ZMYND8: variants seen among roughly 807,000 people sequenced by gnomAD.
ZMYND8 encodes MYND-type zinc finger-containing chromatin reader ZMYND8.
Under a neutral mutation model 140.8 loss-of-function variants are expected in ZMYND8, and 37 were observed. The ratio of observed to expected loss-of-function variants is 0.26; its 90% CI spans 0.20 to 0.35. The LOEUF (loss-of-function observed/expected upper bound fraction) is 0.35, where lower values mean the gene tolerates loss of function less well. Ranked by LOEUF, ZMYND8 falls within the 10% of genes least tolerant of loss-of-function variation. The pLI, the probability that ZMYND8 is intolerant of heterozygous loss-of-function variation, is 1.00. For missense variants in ZMYND8, 1,068 were observed against 1,570.0 expected, an observed-to-expected ratio of 0.68 and a Z score of 5.40; for synonymous variants, 592 against 597.1, an observed-to-expected ratio of 0.99 and a Z score of 0.12.
chr20:47,307,786 C>T (rs901760998), intron 3 of ZMYND8, among the ~76,000 whole-genome samples: 40 of 152,016 alleles, frequency 2.6e-4, no homozygotes, highest in African/African-American at 9.2e-4. Flanking sequence ...AAGATTGCGC[C>T]ATTGCACTCC....
chr20:47,316,750 G>A (rs1451157990), intron 2 of ZMYND8, among the ~76,000 whole-genome samples: 2 of 148,764 alleles, frequency 1.3e-5, no homozygotes, highest in African/African-American at 2.5e-5. Context: ...AGCCAAGATC[G>A]CACCACTGCA....
At chr20:47,261,865 G>C (rs557257769) in intron 12 of ZMYND8, among the ~76,000 whole-genome samples, 1 of 151,984 alleles carries the variant, frequency 6.6e-6, no homozygotes, top group African/African-American at 2.4e-5. Flanking sequence ...TGAGGTCGGG[G>C]TTTGAGACCA....
At chr20:47,214,711 T>C (rs913257312) in intron 21 of ZMYND8, among the ~76,000 whole-genome samples, 1 of 152,150 alleles carries the variant, frequency 6.6e-6, no homozygotes, top group East Asian at 1.9e-4. Context: ...GTCAGGCTGG[T>C]CTTGAACTCC....
chr20:47,265,068 A>C (rs10854174), intron 11 of ZMYND8, among the ~76,000 whole-genome samples: 17 of 144,494 alleles, frequency 1.2e-4, no homozygotes, highest in Non-Finnish European at 2.1e-4. Context: ...ATATATATAT[A>C]GGCATTTTAA....
intron 10 of ZMYND8, 111 bp from the exon 11 acceptor site, chr20:47,276,906 C>CCAA: frequency 8.7e-6 from 5 of 571,446 alleles, no homozygotes; most frequent in Non-Finnish European, 1.2e-5. Flanking sequence ...GATTCTTATT[C>CCAA]TATTAAAAAA....
At chr20:47,240,115 G>A (rs184737567) in intron 14 of ZMYND8, among the ~76,000 whole-genome samples, 51 of 152,176 alleles carry the variant, frequency 3.4e-4, no homozygotes, top group Non-Finnish European at 6.0e-4. Context: ...GGGAAACTGA[G>A]GCAGGAGAAT....
intron 16 of ZMYND8, among the ~76,000 whole-genome samples, chr20:47,231,577 T>C (rs1049096500): frequency 6.6e-6 from 1 of 152,246 alleles, no homozygotes; most frequent in Non-Finnish European, 1.5e-5. Context: ...AATTGCGTAA[T>C]TGCTGCCAAA....
At chr20:47,343,850 C>G (rs1234598425) in intron 2 of ZMYND8, among the ~76,000 whole-genome samples, 1 of 151,928 alleles carries the variant, frequency 6.6e-6, no homozygotes, top group African/African-American at 2.4e-5. Context: ...CATAGCTCTT[C>G]ACTCCTTAAG....
chr20:47,240,508 C>T lies in ZMYND8; in HGVS notation c.2285-1370G>A, dbSNP rs542726322. Among the ~76,000 whole-genome samples the T allele has an allele frequency of 1.8e-3, 267 of 151,752 alleles. 1 individual carries two copies. Among genetic ancestry groups the T allele is most frequent in the Middle Eastern group, 3.4e-3 (1 of 294 alleles). On this transcript the variant is annotated intron_variant, in intron 14 of 22. Coordinates refer to ENST00000471951, the MANE Select transcript of ZMYND8 (RefSeq NM_001281775.3). ...CAGCCTGGGTGACAGGGTGAGACTCCGTCTCAAAATAATAATAATAATAAA... is the reference window on the plus strand; with the variant it reads ...CAGCCTGGGTGACAGGGTGAGACTCTGTCTCAAAATAATAATAATAATAAA...
chr20:47,314,196 G>A (rs146830844), intron 2 of ZMYND8, among the ~76,000 whole-genome samples: 48 of 151,828 alleles, frequency 3.2e-4, no homozygotes, highest in African/African-American at 1.0e-3. Flanking sequence ...ACTGGATGAC[G>A]TTACGAAAAT....
chr20:47,346,701 G>A (rs766741727), intron 2 of ZMYND8, among the ~76,000 whole-genome samples: 1 of 152,118 alleles, frequency 6.6e-6, no homozygotes, highest in African/African-American at 2.4e-5. Flanking sequence ...CCGCCTCCCA[G>A]GTTCAAGTGA....
At chr20:47,305,461 G>T (rs757690387) in intron 3 of ZMYND8, among the ~76,000 whole-genome samples, 7 of 151,134 alleles carry the variant, frequency 4.6e-5, no homozygotes, top group African/African-American at 7.3e-5. Flanking sequence ...GGTTGGTCTC[G>T]AACTCCTGGC....
intron 12 of ZMYND8, 125 bp downstream of exon 12, chr20:47,262,163 A>C: frequency 2.2e-6 from 3 of 1,370,598 alleles, no homozygotes; most frequent in Non-Finnish European, 1.0e-6. Flanking sequence ...ATCCTCTGAA[A>C]CTTTTGCATT....
chr20:47,329,849 C>G (rs955457475), intron 2 of ZMYND8, among the ~76,000 whole-genome samples: 1 of 152,128 alleles, frequency 6.6e-6, no homozygotes, highest in Middle Eastern at 3.2e-3. Flanking sequence ...CAATTTGCCT[C>G]TAGGGACTGA....
In ZMYND8 at chr20:47,240,882, A is replaced by G. The variant is rs950742126; in HGVS notation, c.2285-1744T>C. Among the ~76,000 whole-genome samples, 5 of 152,062 alleles carry G rather than the reference A, an allele frequency of 3.3e-5. No individual in the cohort carries two copies. In the East Asian group the frequency reaches 9.7e-4, roughly 30 times the overall value. ...TTTATTTTATGTTTTAAAGAGATAG[A>G]GTTTTGCTATATCACCCCGGCTGGG... On this transcript the variant is annotated intron_variant, in intron 14 of 22. Coordinates refer to ENST00000471951, the MANE Select transcript of ZMYND8 (RefSeq NM_001281775.3).
chr20:47,284,008 C>T (rs928293888), intron 8 of ZMYND8, among the ~76,000 whole-genome samples: 1 of 152,036 alleles, frequency 6.6e-6, no homozygotes, highest in African/African-American at 2.4e-5. Flanking sequence ...TTGCAACTTT[C>T]GCTTCCTGCG....
At chr20:47,348,159 G>A (rs2082486555) in intron 1 of ZMYND8, 1 of 544,852 alleles carries the variant, frequency 1.8e-6, no homozygotes, top group African/African-American at 1.9e-5. Flanking sequence ...TATTCCAGTT[G>A]TCATGCTATT....
chr20:47,214,011 CCA>C (rs1285454680), intron 21 of ZMYND8, among the ~76,000 whole-genome samples: 1 of 152,020 alleles, frequency 6.6e-6, no homozygotes, highest in African/African-American at 2.4e-5. Flanking sequence ...CAGGAGAGGC[CCA>C]CACACTAAGG....
intron 12 of ZMYND8, among the ~76,000 whole-genome samples, chr20:47,257,643 T>A (rs2074849150): frequency 6.6e-6 from 1 of 152,060 alleles, no homozygotes; most frequent in Non-Finnish European, 1.5e-5. Flanking sequence ...TATACACACA[T>A]ACATATACTC....
Sources: gnomAD v4.1 joint callset for allele counts (sites outside exome capture counted in the v4.1 genomes callset) on GRCh38, gnomAD v4.1.1 for gene constraint, MANE v1.5 for transcripts, NCBI Gene and HGNC (gene_info 2026-07-23, HGNC 2026-07-21) for gene names.